MOB4: variants seen among roughly 807,000 people sequenced by gnomAD.
The protein encoded by MOB4 is MOB family member 4, phocein, also known as MOB-like protein phocein.
Under a neutral mutation model 32.2 loss-of-function variants are expected in MOB4, and 4 were observed. The observed-to-expected ratio is 0.12, with a 90% CI of 0.06 to 0.28. The LOEUF (loss-of-function observed/expected upper bound fraction) is 0.28, where lower values mean the gene tolerates loss of function less well. Ranked by LOEUF, MOB4 falls within the 10% of genes least tolerant of loss-of-function variation. The pLI is 1.00. For missense variants in MOB4, 158 were observed against 271.2 expected, an observed-to-expected ratio of 0.58 and a Z score of 2.93; for synonymous variants, 88 against 88.1, an observed-to-expected ratio of 1.00 and a Z score of 0.01.
chr2:197,528,915 C>T (rs933989344), intron 2 of MOB4, among the ~76,000 whole-genome samples: 1 of 151,908 alleles, frequency 6.6e-6, no homozygotes, highest in African/African-American at 2.4e-5. Context: ...CCGCGCCTGG[C>T]CTCCCAATTT....
chr2:197,548,294 A>C, intron 5 of MOB4, 42 bp from the exon 6 acceptor site: 156 of 1,477,392 alleles, frequency 1.1e-4, no homozygotes, highest in Middle Eastern at 1.8e-4. Flanking sequence ...AACTTAAGAG[A>C]GAGCTCTTTG....
intron 2 of MOB4, among the ~76,000 whole-genome samples, chr2:197,532,120 G>T (rs2086716266): frequency 6.6e-6 from 1 of 151,922 alleles, no homozygotes; most frequent in East Asian, 1.9e-4. Context: ...TGTTGGCCAG[G>T]CTGGTCTTGA....
At chr2:197,538,301 TTTTTGGTCTG>T (rs1460284262) in intron 3 of MOB4, among the ~76,000 whole-genome samples, 1 of 152,116 alleles carries the variant, frequency 6.6e-6, no homozygotes, top group African/African-American at 2.4e-5. Context: ...TACTAGCCAC[TTTTTGGTCTG>T]GGTTGTATAT....
intron 5 of MOB4, among the ~76,000 whole-genome samples, chr2:197,545,562 G>A (rs984226433): frequency 1.3e-4 from 20 of 152,166 alleles, no homozygotes; most frequent in African/African-American, 4.8e-4. Flanking sequence ...ACGGCATTTT[G>A]TATATATTAA....
chr2:197,543,189 G>T (rs1378716184), intron 5 of MOB4, among the ~76,000 whole-genome samples: 2 of 152,022 alleles, frequency 1.3e-5, no homozygotes, highest in Admixed American at 1.3e-4. Context: ...AGCTACTAGG[G>T]AGGCTGAGGT....
chr2:197,519,935 A>AT (rs2086484689), intron 1 of MOB4, among the ~76,000 whole-genome samples: 2 of 152,128 alleles, frequency 1.3e-5, no homozygotes, highest in Non-Finnish European at 2.9e-5. Context: ...AGATTGTTTT[A>AT]TTTCTTGATA....
intron 5 of MOB4, among the ~76,000 whole-genome samples, chr2:197,542,365 T>G (rs2086910678): frequency 6.6e-6 from 1 of 152,246 alleles, no homozygotes; most frequent in Admixed American, 6.5e-5. Context: ...GTGGAGTTAC[T>G]GTAAAAATAC....
At chr2:197,546,477 C>G (rs2086995449) in intron 5 of MOB4, among the ~76,000 whole-genome samples, 1 of 152,124 alleles carries the variant, frequency 6.6e-6, no homozygotes, top group South Asian at 2.1e-4. Context: ...GCTTACCTCC[C>G]TTGACCTCCT....
At chr2:197,540,199 T>C (rs2086873401) in intron 4 of MOB4, 46 bp downstream of exon 4, 2 of 1,588,268 alleles carry the variant, frequency 1.3e-6, no homozygotes, top group African/African-American at 2.7e-5. Flanking sequence ...GTTCTGATTT[T>C]TTTTTCTCTG....
chr2:197,519,111 G>A (rs2086469313), intron 1 of MOB4, among the ~76,000 whole-genome samples: 1 of 151,836 alleles, frequency 6.6e-6, no homozygotes, highest in Admixed American at 6.6e-5. Context: ...AGCCAGGTTG[G>A]TCTCGAACTC....
chr2:197,539,454 G>C (rs1478589035), intron 3 of MOB4, among the ~76,000 whole-genome samples: 1 of 151,564 alleles, frequency 6.6e-6, no homozygotes, highest in East Asian at 1.9e-4. Context: ...GAATAGCTGA[G>C]ATTGCAGGCA....
At chr2:197,545,730 T>G (rs936536563) in intron 5 of MOB4, among the ~76,000 whole-genome samples, 1 of 152,120 alleles carries the variant, frequency 6.6e-6, no homozygotes, top group Non-Finnish European at 1.5e-5. Flanking sequence ...AATAGGCAAA[T>G]CCTGTGAAAC....
intron 2 of MOB4, among the ~76,000 whole-genome samples, chr2:197,535,308 A>G (rs1486255237): frequency 6.6e-6 from 1 of 152,038 alleles, no homozygotes; most frequent in African/African-American, 2.4e-5. Context: ...GCATTTATGT[A>G]GTAGATTCTA....
chr2:197,528,728 G>T (rs2086650570), intron 2 of MOB4, among the ~76,000 whole-genome samples: 1 of 149,252 alleles, frequency 6.7e-6, no homozygotes, highest in Admixed American at 6.8e-5. Context: ...CCATTCTCCT[G>T]CCTCAGCCTC....
chr2:197,525,347 CAA>C (rs766280342), intron 2 of MOB4, among the ~76,000 whole-genome samples: 8 of 113,412 alleles, frequency 7.1e-5, no homozygotes, highest in South Asian at 2.8e-4. Flanking sequence ...GACTCCATCT[CAA>C]AAAAAAAAAA....
intron 2 of MOB4, among the ~76,000 whole-genome samples, chr2:197,532,775 A>G (rs1011980397): frequency 6.6e-6 from 1 of 152,120 alleles, no homozygotes; most frequent in Non-Finnish European, 1.5e-5. Flanking sequence ...AAGTTGTGCT[A>G]TTAAGTGTGA....
At chr2:197,527,059 G>A (rs1051751969) in intron 2 of MOB4, among the ~76,000 whole-genome samples, 21 of 152,218 alleles carry the variant, frequency 1.4e-4, no homozygotes, top group Middle Eastern at 3.4e-3. Context: ...TTACAGGCAT[G>A]AGCCACCATG....
chr2:197,521,083 T>C (rs1020274354), intron 1 of MOB4, among the ~76,000 whole-genome samples: 2 of 151,970 alleles, frequency 1.3e-5, no homozygotes, highest in Non-Finnish European at 2.9e-5. Flanking sequence ...GGGGGGTAAA[T>C]GGGGTATCCA....
chr2:197,526,528 G>T (rs2086614737), intron 2 of MOB4, among the ~76,000 whole-genome samples: 2 of 152,138 alleles, frequency 1.3e-5, no homozygotes, highest in South Asian at 4.1e-4. Context: ...ATCTTGGCCA[G>T]GCCGGTCTTG....
Sources: gnomAD v4.1 joint callset for allele counts (sites outside exome capture counted in the v4.1 genomes callset) on GRCh38, gnomAD v4.1.1 for gene constraint, MANE v1.5 for transcripts, NCBI Gene and HGNC (gene_info 2026-07-23, HGNC 2026-07-21) for gene names.